The following GALNT13 variants were observed in gnomAD, a reference collection of about 807,000 sequenced individuals.
GALNT13 encodes polypeptide N-acetylgalactosaminyltransferase 13.
Under a neutral mutation model 64.2 loss-of-function variants are expected in GALNT13, and 28 were observed. That is an observed-to-expected ratio of 0.44 (90% confidence interval 0.32 to 0.60). The LOEUF is 0.60. Ranked by LOEUF, GALNT13 falls within the 20% of genes least tolerant of loss-of-function variation. GALNT13 has a pLI of 0.05. For missense variants in GALNT13, 577 were observed against 669.8 expected (o/e 0.86, Z 1.53); for synonymous variants, 214 against 224.6 (o/e 0.95, Z 0.42).
At chr2:153,478,272 A>T in the GALNT13 span, 1 of 1,613,914 alleles carries the variant, frequency 6.2e-7, no homozygotes, top group Non-Finnish European at 8.5e-7. Flanking sequence ...CCACCTCCTT[A>T]GACGGCCTCC....
the GALNT13 span, among the ~76,000 whole-genome samples, chr2:153,204,013 G>T: frequency 1.1e-4 from 16 of 152,210 alleles, no homozygotes; most frequent in Admixed American, 1.0e-3. Flanking sequence ...GAAGAGATCA[G>T]TATCCTGTTG....
At chr2:153,104,725 A>G in the GALNT13 span, among the ~76,000 whole-genome samples, 13 of 152,294 alleles carry the variant, frequency 8.5e-5, no homozygotes, top group African/African-American at 3.1e-4. Flanking sequence ...TGTGAAAGAA[A>G]AAATATTCTG....
At chr2:153,404,270 T>C in the GALNT13 span, among the ~76,000 whole-genome samples, 1 of 152,200 alleles carries the variant, frequency 6.6e-6, no homozygotes, top group African/African-American at 2.4e-5. Flanking sequence ...TCAGCCATTT[T>C]ATGAAAGTGA....
chr2:153,778,307 T>C, the GALNT13 span, among the ~76,000 whole-genome samples: 1 of 152,202 alleles, frequency 6.6e-6, no homozygotes, highest in Non-Finnish European at 1.5e-5. Flanking sequence ...AGGGTGGTCC[T>C]GGGAAATGCA....
intron 10 of GALNT13, among the ~76,000 whole-genome samples, chr2:154,404,371 A>G (rs1311222878): frequency 6.6e-6 from 1 of 152,224 alleles, no homozygotes; most frequent in Non-Finnish European, 1.5e-5. Context: ...CTAGAACAGC[A>G]AAACTTAAAA....
chr2:153,348,091 C>T, the GALNT13 span, among the ~76,000 whole-genome samples: 1 of 152,090 alleles, frequency 6.6e-6, no homozygotes, highest in Non-Finnish European at 1.5e-5. Flanking sequence ...GGGGTGTCCT[C>T]TGTTTGGAGT....
chr2:153,307,326 A>G, the GALNT13 span, among the ~76,000 whole-genome samples: 1 of 152,122 alleles, frequency 6.6e-6, no homozygotes, highest in African/African-American at 2.4e-5. Context: ...AATTATCTTA[A>G]ATTTTTTTGA....
At chr2:153,450,083 C>T in the GALNT13 span, among the ~76,000 whole-genome samples, 2 of 152,134 alleles carry the variant, frequency 1.3e-5, no homozygotes, top group African/African-American at 2.4e-5. Context: ...TTTTACTTAA[C>T]AAGGCTTCAT....
chr2:153,502,526 T>A, the GALNT13 span, among the ~76,000 whole-genome samples: 1 of 152,274 alleles, frequency 6.6e-6, no homozygotes, highest in Non-Finnish European at 1.5e-5. Context: ...TTTTTGCAAT[T>A]GCAAATTGTG....
the GALNT13 span, among the ~76,000 whole-genome samples, chr2:153,134,665 C>T: frequency 6.6e-6 from 1 of 152,116 alleles, no homozygotes; most frequent in African/African-American, 2.4e-5. Flanking sequence ...CTTTCTGCTG[C>T]CCCTTAGACG....
chr2:153,258,477 A>T, the GALNT13 span, among the ~76,000 whole-genome samples: 1 of 152,056 alleles, frequency 6.6e-6, no homozygotes, highest in Admixed American at 6.5e-5. Flanking sequence ...TATCTTTATT[A>T]TAGTCTTTCT....
At chr2:153,301,531 CTT>C in the GALNT13 span, among the ~76,000 whole-genome samples, 1 of 151,840 alleles carries the variant, frequency 6.6e-6, no homozygotes, top group African/African-American at 2.4e-5. Flanking sequence ...TATTTATTAT[CTT>C]TTTGTGGTGA....
chr2:153,832,269 A>G, the GALNT13 span, among the ~76,000 whole-genome samples: 2 of 152,180 alleles, frequency 1.3e-5, no homozygotes, highest in African/African-American at 4.8e-5. Context: ...AAAAATAAAA[A>G]TTATTTCCAA....
At chr2:153,399,861 C>T in the GALNT13 span, among the ~76,000 whole-genome samples, 1 of 143,676 alleles carries the variant, frequency 7.0e-6, no homozygotes, top group African/African-American at 2.6e-5. Flanking sequence ...ACAATCATGT[C>T]GTCTGCAAAC....
At chr2:153,920,018 T>C (rs1689645571) in intron 2 of GALNT13, among the ~76,000 whole-genome samples, 1 of 148,064 alleles carries the variant, frequency 6.8e-6, no homozygotes. Flanking sequence ...CAGTTATATA[T>C]ATTATATATA....
chr2:153,953,429 G>T (rs758284897), intron 3 of GALNT13, among the ~76,000 whole-genome samples: 9 of 152,098 alleles, frequency 5.9e-5, no homozygotes, highest in African/African-American at 2.2e-4. Flanking sequence ...AATCTGTAAA[G>T]TTGGCATTAT....
the GALNT13 span, among the ~76,000 whole-genome samples, chr2:153,527,303 A>C: frequency 6.6e-6 from 1 of 152,214 alleles, no homozygotes; most frequent in Non-Finnish European, 1.5e-5. Flanking sequence ...GAGAAAAGGA[A>C]CGAATAACAC....
At chr2:153,766,363 T>G in the GALNT13 span, among the ~76,000 whole-genome samples, 13 of 152,196 alleles carry the variant, frequency 8.5e-5, no homozygotes. Flanking sequence ...TGAATTTAAC[T>G]GGAGAATTTG....
Position 154,378,424 on chromosome 2 carries a change from C to T in GALNT13, c.1157-17567C>T, listed in dbSNP as rs114796236. On this transcript the variant is annotated intron_variant, in intron 9 of 12. Transcript: ENST00000392825. ...TTCCACACCTCCTGCTATTAGGAAA[C>T]GCTTGAGCTCTAGGAAATATATTTC... Among the ~76,000 whole-genome samples, 166 of 152,162 alleles carry T rather than the reference C, an allele frequency of 1.1e-3. 1 individual carries two copies. The highest frequency in any genetic ancestry group is 3.5e-3 in the African/African-American group (145 of 41,534).
Sources: gnomAD v4.1 joint callset for allele counts (sites outside exome capture counted in the v4.1 genomes callset) on GRCh38, gnomAD v4.1.1 for gene constraint, MANE v1.5 for transcripts, NCBI Gene and HGNC (gene_info 2026-07-23, HGNC 2026-07-21) for gene names.